The following COL21A1 variants were observed in gnomAD, a reference collection of about 807,000 sequenced individuals.
COL21A1 encodes collagen type XXI alpha 1 chain, also known as collagen alpha-1(XXI) chain.
A neutral mutation model predicts 137.9 loss-of-function variants in COL21A1; 149 were observed. The observed-to-expected ratio is 1.08, with a 90% confidence interval of 0.95 to 1.24. The LOEUF is 1.24. Among genes scored for constraint, COL21A1 ranks in the 50% most tolerant of loss-of-function variants. The pLI, the probability that COL21A1 is intolerant of heterozygous loss-of-function variation, is 0.00. For synonymous variants in COL21A1, 456 were observed against 391.5 expected (o/e 1.16, Z -1.95); for missense variants, 1,167 against 1,158.4 (o/e 1.01, Z -0.11).
chr6:56,120,811 A>C (rs938145938), intron 16 of COL21A1, among the ~76,000 whole-genome samples: 2 of 151,962 alleles, frequency 1.3e-5, no homozygotes, highest in Non-Finnish European at 2.9e-5. Flanking sequence ...AAAAAAAAAA[A>C]AAAAAACTAA....
intron 1 of COL21A1, among the ~76,000 whole-genome samples, chr6:56,367,406 A>G (rs1766126680): frequency 6.6e-6 from 1 of 152,208 alleles, no homozygotes; most frequent in African/African-American, 2.4e-5. Flanking sequence ...GATCTGGCCA[A>G]TGACCTGTGA....
At chr6:56,374,063 GA>G (rs1581785799) in intron 1 of COL21A1, among the ~76,000 whole-genome samples, 1 of 152,136 alleles carries the variant, frequency 6.6e-6, no homozygotes, top group East Asian at 1.9e-4. Flanking sequence ...ATCAATCCAG[GA>G]AAAGATTTTT....
chr6:56,264,041 G>A (rs972077174), intron 1 of COL21A1, among the ~76,000 whole-genome samples: 14 of 151,866 alleles, frequency 9.2e-5, no homozygotes, highest in Non-Finnish European at 1.6e-4. Context: ...TCCTTTATAG[G>A]ACAATTCCTC....
In COL21A1 at chr6:56,164,503, G is replaced by T; in HGVS notation, c.1291C>A (p.Leu431Ile). 6.3e-7 allele frequency: 1 copy of T among 1,579,580 alleles called. No homozygotes were observed. The highest frequency in any genetic ancestry group is 8.6e-7 in the Non-Finnish European group (1 of 1,161,050). The change falls in exon 9 of 30, where the codon CTT becomes ATT. Residue 431 changes from leucine to isoleucine, a missense_variant. Transcript: ENST00000244728. ...GAACCTACATCACTGGGACCATTAA[G>T]GCACTATAAAGACAAAAATGGAAAC... ...CEIPGFNGEC[L>I]NGPSDVGSTP...
At chr6:56,114,700 T>C (rs1366887875) in intron 16 of COL21A1, among the ~76,000 whole-genome samples, 134 of 149,362 alleles carry the variant, frequency 9.0e-4, no homozygotes, top group African/African-American at 3.2e-3. Context: ...TGTGGAGAAA[T>C]AGGAACACTT....
chr6:56,358,837 G>A (rs1173948585), intron 1 of COL21A1, among the ~76,000 whole-genome samples: 2 of 152,066 alleles, frequency 1.3e-5, no homozygotes, highest in Non-Finnish European at 2.9e-5. Context: ...GAAAATGCAC[G>A]TTATGGTCAA....
chr6:56,344,722 TC>T (rs138063583), intron 1 of COL21A1, among the ~76,000 whole-genome samples: 14,600 of 152,134 alleles, frequency 0.096, 840 homozygotes, highest in Non-Finnish European at 0.12. Flanking sequence ...GGGGCAGATT[TC>T]CCCCTTGCTG....
intron 10 of COL21A1, among the ~76,000 whole-genome samples, chr6:56,154,824 C>T (rs890062751): frequency 3.3e-5 from 5 of 152,176 alleles, no homozygotes; most frequent in African/African-American, 1.2e-4. Flanking sequence ...CACAACATCA[C>T]CTTAGCTCTC....
chr6:56,068,159 T>C (rs1305945768), intron 22 of COL21A1, among the ~76,000 whole-genome samples: 1 of 151,664 alleles, frequency 6.6e-6, no homozygotes, highest in Non-Finnish European at 1.5e-5. Context: ...CTGTCTCAGC[T>C]AGTGCTGCCT....
At chr6:56,325,689 TAA>T (rs1765041173) in intron 1 of COL21A1, among the ~76,000 whole-genome samples, 1 of 836 alleles carries the variant, frequency 1.2e-3, no homozygotes, top group Non-Finnish European at 0.028. Context: ...ATAGATAATA[TAA>T]ATATATATAA....
intron 1 of COL21A1, among the ~76,000 whole-genome samples, chr6:56,271,706 A>G (rs1238719432): frequency 6.6e-6 from 1 of 152,178 alleles, no homozygotes; most frequent in Non-Finnish European, 1.5e-5. Flanking sequence ...GGAGGAAAAA[A>G]TTGCTCTGTG....
chr6:56,237,268 G>A (rs1029333581), intron 1 of COL21A1, among the ~76,000 whole-genome samples: 2 of 152,064 alleles, frequency 1.3e-5, no homozygotes, highest in Non-Finnish European at 2.9e-5. Context: ...ATACTGTCCT[G>A]ATTACCTGAG....
intron 6 of COL21A1, 133 bp from the exon 7 acceptor site, chr6:56,167,116 CAATGAA>C: frequency 1.5e-6 from 1 of 656,962 alleles, no homozygotes. Context: ...TTAGCTAAAA[CAATGAA>C]AATACAAAAT....
At chr6:56,185,625 C>T (rs973925855) in intron 1 of COL21A1, among the ~76,000 whole-genome samples, 22 of 151,372 alleles carry the variant, frequency 1.5e-4, no homozygotes, top group African/African-American at 4.8e-4. Flanking sequence ...TTAGTAGAGA[C>T]GGGGTTTCAC....
chr6:56,170,200 A>G (rs1776923184), intron 5 of COL21A1, among the ~76,000 whole-genome samples: 5 of 151,922 alleles, frequency 3.3e-5, no homozygotes. Flanking sequence ...TCTAACAGAT[A>G]TGTCTTCATG....
chr6:56,296,239 C>T (rs1764160954), intron 1 of COL21A1, among the ~76,000 whole-genome samples: 1 of 151,810 alleles, frequency 6.6e-6, no homozygotes, highest in Non-Finnish European at 1.5e-5. Context: ...TTTTAAGTAA[C>T]AACATATCCA....
At chr6:56,357,558 C>T (rs1483129920) in intron 1 of COL21A1, among the ~76,000 whole-genome samples, 1 of 152,216 alleles carries the variant, frequency 6.6e-6, no homozygotes, top group Non-Finnish European at 1.5e-5. Flanking sequence ...TAACATTTTT[C>T]ACCACATCCT....
chr6:56,156,520 T>C (rs1256261177), intron 10 of COL21A1, among the ~76,000 whole-genome samples: 1 of 152,156 alleles, frequency 6.6e-6, no homozygotes, highest in East Asian at 1.9e-4. Flanking sequence ...TCAAGGAAGA[T>C]AGTGTCCCCA....
intron 1 of COL21A1, among the ~76,000 whole-genome samples, chr6:56,234,914 C>T (rs1166483764): frequency 1.0e-5 from 1 of 100,026 alleles, no homozygotes; most frequent in Non-Finnish European, 2.1e-5. Context: ...ATCCAGAAAA[C>T]ACAACATCTT....
Sources: allele counts gnomAD v4.1 joint callset (sites outside exome capture counted in the v4.1 genomes callset), GRCh38; gene constraint gnomAD v4.1.1; transcripts MANE v1.5; gene names NCBI Gene and HGNC (gene_info 2026-07-23, HGNC 2026-07-21).